CYRIB: variants seen among roughly 807,000 people sequenced by gnomAD.
The protein encoded by CYRIB is CYFIP-related Rac1 interactor B.
A neutral mutation model predicts 44.2 loss-of-function variants in CYRIB; 8 were observed. The ratio of observed to expected loss-of-function variants is 0.18; its 90% CI spans 0.11 to 0.33. The LOEUF (loss-of-function observed/expected upper bound fraction) is 0.33. Among genes scored for constraint, CYRIB ranks in the 10% least tolerant of loss-of-function variants. The pLI is 1.00. For synonymous variants in CYRIB, 131 were observed against 127.2 expected (o/e 1.03, Z -0.20); for missense variants, 185 against 382.8 (o/e 0.48, Z 4.31).
intron 1 of CYRIB, among the ~76,000 whole-genome samples, chr8:129,978,053 C>G (rs747857437): frequency 2.0e-5 from 3 of 152,094 alleles, no homozygotes; most frequent in Non-Finnish European, 4.4e-5. Context: ...GGGTACTACT[C>G]AGTTGTACAG....
At chr8:130,006,963 T>C (rs1299328135) in intron 1 of CYRIB, among the ~76,000 whole-genome samples, 1 of 151,930 alleles carries the variant, frequency 6.6e-6, no homozygotes, top group Non-Finnish European at 1.5e-5. Context: ...CCCAAATCTT[T>C]TCTAGTGGGG....
chr8:130,008,787 G>A (rs2097159855), intron 1 of CYRIB, among the ~76,000 whole-genome samples: 1 of 152,226 alleles, frequency 6.6e-6, no homozygotes, highest in African/African-American at 2.4e-5. Context: ...GAAGCAGAGG[G>A]CAAGACACAA....
chr8:129,992,643 C>T (rs1291514408), intron 1 of CYRIB, among the ~76,000 whole-genome samples: 1 of 152,222 alleles, frequency 6.6e-6, no homozygotes, highest in Non-Finnish European at 1.5e-5. Flanking sequence ...TTAACTCAGA[C>T]CAATACTTTT....
chr8:129,864,396 A>T (rs2052148571), intron 4 of CYRIB: 1 of 152,372 alleles, frequency 6.6e-6, no homozygotes, highest in Non-Finnish European at 1.5e-5. Flanking sequence ...ATCAGGTAGT[A>T]AAAATTTGTT....
exon 12 of CYRIB, chr8:129,841,420 G>C (rs2036264961): frequency 6.6e-6 from 1 of 152,516 alleles, no homozygotes; most frequent in Non-Finnish European, 1.5e-5. Flanking sequence ...AACATACATG[G>C]GGAAAACTTC....
intron 1 of CYRIB, among the ~76,000 whole-genome samples, chr8:129,909,755 C>T (rs1162997366): frequency 4.6e-5 from 7 of 152,202 alleles, no homozygotes; most frequent in Non-Finnish European, 1.0e-4. Flanking sequence ...AACAACTACA[C>T]AATATAGCTC....
chr8:129,913,863 T>A (rs180966772), intron 1 of CYRIB, among the ~76,000 whole-genome samples: 1 of 152,378 alleles, frequency 6.6e-6, no homozygotes, highest in African/African-American at 2.4e-5. Flanking sequence ...GTTATTATCA[T>A]TATTACTATT....
intron 11 of CYRIB, among the ~76,000 whole-genome samples, chr8:129,844,969 A>G (rs962031034): frequency 6.6e-6 from 1 of 152,210 alleles, no homozygotes; most frequent in Non-Finnish European, 1.5e-5. Flanking sequence ...TAAAAGCAAC[A>G]TTTTATTTTC....
At chr8:129,859,941 C>G (rs1425810869) in intron 5 of CYRIB, among the ~76,000 whole-genome samples, 1 of 152,212 alleles carries the variant, frequency 6.6e-6, no homozygotes, top group Non-Finnish European at 1.5e-5. Flanking sequence ...TAAACCCTGT[C>G]AGCAAAACTG....
At chr8:129,948,437 G>C (rs909887521) in intron 2 of CYRIB, 22 of 152,234 alleles carry the variant, frequency 1.4e-4, no homozygotes, top group African/African-American at 5.1e-4. Flanking sequence ...GGCATGATCA[G>C]AAGGTTCCAC....
intron 2 of CYRIB, among the ~76,000 whole-genome samples, chr8:129,955,488 C>T (rs1348330129): frequency 6.6e-6 from 1 of 152,088 alleles, no homozygotes; most frequent in Non-Finnish European, 1.5e-5. Flanking sequence ...CACATCGAGG[C>T]TCCCATCAGA....
At chr8:129,879,283 C>G in intron 3 of CYRIB, 106 bp downstream of exon 5, 1 of 740,128 alleles carries the variant, frequency 1.4e-6, no homozygotes, top group Admixed American at 2.7e-5. Flanking sequence ...ATAGCTCAGT[C>G]ATGCAAAGCA....
intron 2 of CYRIB, among the ~76,000 whole-genome samples, chr8:129,956,346 C>A (rs2094831027): frequency 6.6e-6 from 1 of 152,094 alleles, no homozygotes; most frequent in Admixed American, 6.6e-5. Flanking sequence ...ACATTAGAAT[C>A]ATCTGGAGAG....
At chr8:129,849,425 A>AC (rs2042085012) in intron 9 of CYRIB, 56 bp from the exon 12 acceptor site, 1 of 1,519,658 alleles carries the variant, frequency 6.6e-7, no homozygotes, top group African/African-American at 1.4e-5. Context: ...TCTTTTTAAA[A>AC]ACACACACAC....
chr8:129,850,776 T>C, intron 9 of CYRIB, 59 bp downstream of exon 11: 1 of 1,187,654 alleles, frequency 8.4e-7, no homozygotes, highest in Admixed American at 1.8e-5. Flanking sequence ...TGAACATGTT[T>C]TGAAATATCA....
chr8:130,011,667 A>G (rs1470223749), intron 1 of CYRIB, among the ~76,000 whole-genome samples: 1 of 150,586 alleles, frequency 6.6e-6, no homozygotes, highest in Non-Finnish European at 1.5e-5. Context: ...AATACAAAAA[A>G]AAAAGAAAGA....
intron 2 of CYRIB, among the ~76,000 whole-genome samples, chr8:129,890,906 T>A (rs1214637083): frequency 1.4e-3 from 184 of 128,356 alleles, no homozygotes; most frequent in African/African-American, 4.9e-3. Context: ...AGATAAAATT[T>A]AAAAAAAAAA....
At chr8:129,965,248 C>CTGTG (rs3077879) in intron 2 of CYRIB, among the ~76,000 whole-genome samples, 3,295 of 148,744 alleles carry the variant, frequency 0.022, 69 homozygotes, top group African/African-American at 0.053. Flanking sequence ...CCCCCAGACA[C>CTGTG]TGTGTGTGTG....
At chr8:129,894,739 C>A (rs568084560) in intron 2 of CYRIB, among the ~76,000 whole-genome samples, 31 of 152,124 alleles carry the variant, frequency 2.0e-4, no homozygotes, top group African/African-American at 6.7e-4. Context: ...ATCATAATTT[C>A]TTATTTTATT....
Sources: gnomAD v4.1 joint callset for allele counts (sites outside exome capture counted in the v4.1 genomes callset) on GRCh38, gnomAD v4.1.1 for gene constraint, MANE v1.5 for transcripts, NCBI Gene and HGNC (gene_info 2026-07-23, HGNC 2026-07-21) for gene names.